The following CEP350 variants were observed in gnomAD, a reference collection of about 807,000 sequenced individuals.
CEP350 encodes the protein centrosomal protein 350.
Under a neutral mutation model 331.8 loss-of-function variants are expected in CEP350, and 126 were observed. The ratio of observed to expected loss-of-function variants is 0.38; its 90% confidence interval spans 0.33 to 0.44. The LOEUF is 0.44. CEP350 is among the 20% of genes least tolerant of loss of function. CEP350 has a pLI of 1.00. For missense variants in CEP350, 3,406 were observed against 3,634.6 expected, an observed-to-expected ratio of 0.94 and a Z score of 1.62; for synonymous variants, 1,200 against 1,259.5, an observed-to-expected ratio of 0.95 and a Z score of 1.00.
At chr1:180,057,017 G>T (rs2319676) in intron 25 of CEP350, among the ~76,000 whole-genome samples, 122,945 of 152,018 alleles carry the variant, frequency 0.81, 50,039 homozygotes, top group Admixed American at 0.87. Context: ...ATTTGTTTTC[G>T]TTCTATAATA....
intron 1 of CEP350, among the ~76,000 whole-genome samples, chr1:179,978,488 C>A (rs1205173262): frequency 6.6e-6 from 1 of 152,014 alleles, no homozygotes; most frequent in Non-Finnish European, 1.5e-5. Flanking sequence ...GAACTTATTC[C>A]TTCTATCTAG....
At chr1:180,052,110 T>C (rs771517974) in intron 22 of CEP350, 4 of 413,172 alleles carry the variant, frequency 9.7e-6, no homozygotes, top group Non-Finnish European at 1.9e-5. Context: ...TGGATTAATA[T>C]ACATCCATAT....
At chr1:179,969,401 G>A (rs1651264022) in intron 1 of CEP350, 1 of 513,180 alleles carries the variant, frequency 1.9e-6, no homozygotes, top group South Asian at 1.4e-5. Context: ...GGTGCCCTCT[G>A]TGCCTATTCA....
intron 3 of CEP350, among the ~76,000 whole-genome samples, chr1:179,990,110 C>G (rs947612694): frequency 1.3e-5 from 2 of 151,866 alleles, no homozygotes; most frequent in African/African-American, 4.8e-5. Flanking sequence ...CTCTTGAACC[C>G]GTGAGGTGGA....
At chr1:179,967,546 G>T (rs1651108123) in intron 1 of CEP350, among the ~76,000 whole-genome samples, 1 of 151,972 alleles carries the variant, frequency 6.6e-6, no homozygotes. Flanking sequence ...CAAGTAGCTG[G>T]GATTACAGAC....
At chr1:180,027,536 C>T (rs1411322184) in intron 14 of CEP350, among the ~76,000 whole-genome samples, 1 of 152,058 alleles carries the variant, frequency 6.6e-6, no homozygotes, top group Non-Finnish European at 1.5e-5. Context: ...AGGCACACAA[C>T]ACCCCACCTG....
At chr1:179,969,104 G>C (rs974463043) in intron 1 of CEP350, 1 of 680,004 alleles carries the variant, frequency 1.5e-6, no homozygotes, top group Admixed American at 1.8e-5. Flanking sequence ...GCGCTGTGTG[G>C]ACATTGCCAT....
intron 27 of CEP350, chr1:180,074,038 A>ATATG: frequency 1.3e-6 from 1 of 767,734 alleles, no homozygotes; most frequent in Non-Finnish European, 1.8e-6. Context: ...AATGTCCCAT[A>ATATG]AATTTTACCT....
chr1:180,076,148 C>T (rs1488970052), intron 28 of CEP350, among the ~76,000 whole-genome samples: 1 of 151,980 alleles, frequency 6.6e-6, no homozygotes, highest in African/African-American at 2.4e-5. Context: ...CCTCATCCAT[C>T]TTTACCAGTA....
At chr1:180,042,392 A>G (rs1485010629) in intron 19 of CEP350, among the ~76,000 whole-genome samples, 2 of 152,210 alleles carry the variant, frequency 1.3e-5, no homozygotes, top group African/African-American at 4.8e-5. Flanking sequence ...TTCATAATTG[A>G]TACAGTTTCA....
At chr1:179,975,810 C>T (rs530286145) in intron 1 of CEP350, among the ~76,000 whole-genome samples, 1 of 152,126 alleles carries the variant, frequency 6.6e-6, no homozygotes, top group East Asian at 1.9e-4. Context: ...GCATCTAGAG[C>T]TCAGAAATAG....
In CEP350 at chr1:179,978,527, C is replaced by T. The variant is rs1256399656; in HGVS notation, c.-13-7642C>T. Among the ~76,000 whole-genome samples, 3 of 152,054 alleles carry T rather than the reference C, an allele frequency of 2.0e-5. No individual in the cohort carries two copies. The South Asian group carries it at 6.2e-4, about 32-fold the overall frequency. On this transcript the variant is annotated intron_variant, in intron 1 of 37. Transcript: ENST00000367607. ...TAATTTTGTATCCTTTAGCAAATCT[C>T]TCCTAAGCCCCCTTAACCCCCCTCC... is the stretch of plus-strand genomic sequence containing the variant.
At chr1:180,067,370 G>T (rs1337605619) in intron 27 of CEP350, among the ~76,000 whole-genome samples, 1 of 152,162 alleles carries the variant, frequency 6.6e-6, no homozygotes, top group African/African-American at 2.4e-5. Context: ...TAGTGGCAAA[G>T]AAATGTTTGA....
chr1:180,101,746 G>T (rs548704449), intron 37 of CEP350, among the ~76,000 whole-genome samples: 1 of 152,172 alleles, frequency 6.6e-6, no homozygotes, highest in Non-Finnish European at 1.5e-5. Flanking sequence ...TCAAGTTGGG[G>T]CTCCCAAGAT....
intron 3 of CEP350, among the ~76,000 whole-genome samples, chr1:179,989,595 G>GT (rs1332366920): frequency 6.6e-6 from 1 of 151,476 alleles, no homozygotes; most frequent in Non-Finnish European, 1.5e-5. Flanking sequence ...TGTTTTCCTA[G>GT]TTTTTTGTTG....
At chr1:180,067,411 G>A (rs563426650) in intron 27 of CEP350, among the ~76,000 whole-genome samples, 19 of 152,252 alleles carry the variant, frequency 1.2e-4, no homozygotes, top group African/African-American at 2.9e-4. Context: ...GGATGAGGCC[G>A]GGCCTGGTGG....
At chr1:179,965,884 C>A (rs1190451079) in intron 1 of CEP350, among the ~76,000 whole-genome samples, 1 of 152,014 alleles carries the variant, frequency 6.6e-6, no homozygotes, top group East Asian at 1.9e-4. Flanking sequence ...CCTTGGCCTT[C>A]CAAAGTGCTG....
At chr1:180,106,607 C>T (rs905703353) in intron 37 of CEP350, among the ~76,000 whole-genome samples, 2 of 152,052 alleles carry the variant, frequency 1.3e-5, no homozygotes, top group East Asian at 3.9e-4. Flanking sequence ...TGTTCTGTCA[C>T]CCAGGCTGGA....
chr1:180,031,773 G>A (rs183310569), intron 15 of CEP350, among the ~76,000 whole-genome samples: 33 of 152,082 alleles, frequency 2.2e-4, no homozygotes, highest in African/African-American at 7.9e-4. Context: ...GCTGAATGCC[G>A]TTGTTACAAT....
Sources: gnomAD v4.1 joint callset for allele counts (sites outside exome capture counted in the v4.1 genomes callset) on GRCh38, gnomAD v4.1.1 for gene constraint, MANE v1.5 for transcripts, NCBI Gene and HGNC (gene_info 2026-07-23, HGNC 2026-07-21) for gene names.